The following CDA variants were observed in gnomAD, a reference collection of about 807,000 sequenced individuals.
CDA encodes cytidine aminohydrolase.
Under a neutral mutation model 15.0 loss-of-function variants are expected in CDA, and 7 were observed. The observed-to-expected ratio is 0.47, with a 90% confidence interval of 0.26 to 0.87. The LOEUF is 0.87. CDA is among the 40% of genes least tolerant of loss of function. CDA has a pLI of 0.15. For missense variants in CDA, 159 were observed against 182.7 expected, an observed-to-expected ratio of 0.87 and a Z score of 0.75; for synonymous variants, 58 against 73.0, an observed-to-expected ratio of 0.79 and a Z score of 1.05.
chr1:20,607,430 T>C (rs1022298106), intron 2 of CDA, among the ~76,000 whole-genome samples: 11 of 152,080 alleles, frequency 7.2e-5, no homozygotes, highest in African/African-American at 2.4e-4. Flanking sequence ...TTTGTGCAGA[T>C]AGGCCAAGAT....
chr1:20,596,557 A>C (rs1179587024), intron 1 of CDA, among the ~76,000 whole-genome samples: 6 of 152,114 alleles, frequency 3.9e-5, no homozygotes, highest in Non-Finnish European at 4.4e-5. Flanking sequence ...GTCTCTAAAA[A>C]ATATAAAAAT....
intron 1 of CDA, among the ~76,000 whole-genome samples, chr1:20,595,476 C>G (rs530341442): frequency 1.3e-5 from 2 of 152,226 alleles, no homozygotes; most frequent in African/African-American, 4.8e-5. Flanking sequence ...AGGCCCCATC[C>G]CCCCAACACC....
chr1:20,610,756 A>G (rs1462075588), intron 2 of CDA, among the ~76,000 whole-genome samples: 1 of 152,236 alleles, frequency 6.6e-6, no homozygotes, highest in Non-Finnish European at 1.5e-5. Context: ...CAGTAACAAT[A>G]TGTATATAAC....
chr1:20,614,186 A>G (rs551064927), intron 3 of CDA, among the ~76,000 whole-genome samples: 3 of 152,350 alleles, frequency 2.0e-5, no homozygotes, highest in Non-Finnish European at 4.4e-5. Flanking sequence ...GCCCTCACAG[A>G]GCTCATAGGC....
chr1:20,600,862 C>T (rs1224954637), intron 1 of CDA, among the ~76,000 whole-genome samples: 1 of 152,008 alleles, frequency 6.6e-6, no homozygotes, highest in Non-Finnish European at 1.5e-5. Flanking sequence ...TTCATTTATA[C>T]ATTCAACTTT....
intron 1 of CDA, among the ~76,000 whole-genome samples, chr1:20,602,057 G>T (rs1451525594): frequency 6.7e-6 from 1 of 148,878 alleles, no homozygotes; most frequent in Non-Finnish European, 1.5e-5. Flanking sequence ...AGACTTTGAG[G>T]TTACAGTGAG....
At chr1:20,594,909 G>A (rs1223270026) in intron 1 of CDA, among the ~76,000 whole-genome samples, 2 of 152,170 alleles carry the variant, frequency 1.3e-5, no homozygotes, top group African/African-American at 2.4e-5. Flanking sequence ...TTCGTGCAGC[G>A]CCGGGTGGGT....
intron 1 of CDA, among the ~76,000 whole-genome samples, chr1:20,589,586 G>C (rs2052529946): frequency 6.6e-6 from 1 of 152,188 alleles, no homozygotes; most frequent in African/African-American, 2.4e-5. Context: ...GGCAGGGAGA[G>C]CGTTCGTGCT....
chr1:20,614,588 C>A (rs1463993845), intron 3 of CDA, among the ~76,000 whole-genome samples: 1 of 152,148 alleles, frequency 6.6e-6, no homozygotes, highest in African/African-American at 2.4e-5. Flanking sequence ...GGAAGGCCCT[C>A]TTTTTGAGCA....
chr1:20,617,696 TA>T (rs1045570103), intron 3 of CDA, among the ~76,000 whole-genome samples: 3 of 113,632 alleles, frequency 2.6e-5, no homozygotes, highest in African/African-American at 9.6e-5. Context: ...TATTTTATTT[TA>T]TTTTTTTTTT....
intron 1 of CDA, among the ~76,000 whole-genome samples, chr1:20,591,369 C>A (rs574376600): frequency 6.6e-6 from 1 of 152,014 alleles, no homozygotes; most frequent in African/African-American, 2.4e-5. Context: ...AAAAACAAAC[C>A]CACAATAAAG....
chr1:20,615,063 T>C (rs571403972), intron 3 of CDA, among the ~76,000 whole-genome samples: 18 of 152,234 alleles, frequency 1.2e-4, no homozygotes, highest in Non-Finnish European at 1.0e-4. Flanking sequence ...GGTTTCACCA[T>C]GTTGGCCAGG....
At chr1:20,597,039 G>A (rs989075008) in intron 1 of CDA, among the ~76,000 whole-genome samples, 9 of 152,094 alleles carry the variant, frequency 5.9e-5, no homozygotes, top group Non-Finnish European at 1.2e-4. Context: ...TGGGATTACA[G>A]GCGTGAGCCA....
intron 3 of CDA, among the ~76,000 whole-genome samples, chr1:20,616,972 A>T (rs1010119367): frequency 6.6e-6 from 1 of 152,220 alleles, no homozygotes; most frequent in African/African-American, 2.4e-5. Context: ...TAAGAATGGC[A>T]TCTATTAATT....
At chr1:20,617,488 G>A (rs916216791) in intron 3 of CDA, among the ~76,000 whole-genome samples, 1 of 152,016 alleles carries the variant, frequency 6.6e-6, no homozygotes, top group South Asian at 2.1e-4. Context: ...TCATGGGGGC[G>A]GGTCTTTCCC....
chr1:20,611,063 G>C (rs1004633932), intron 2 of CDA, among the ~76,000 whole-genome samples: 3 of 152,142 alleles, frequency 2.0e-5, no homozygotes, highest in Non-Finnish European at 4.4e-5. Context: ...AATATAGTAA[G>C]ATCCTATTTC....
chr1:20,596,261 G>A (rs564467024), intron 1 of CDA, among the ~76,000 whole-genome samples: 6 of 152,324 alleles, frequency 3.9e-5, no homozygotes, highest in Admixed American at 3.9e-4. Context: ...GTGGGAGGAG[G>A]TTAGGAACAT....
chr1:20,589,444 C>T (rs1382871927), intron 1 of CDA, among the ~76,000 whole-genome samples, 161 bp downstream of exon 1: 1 of 152,188 alleles, frequency 6.6e-6, no homozygotes, highest in Non-Finnish European at 1.5e-5. Flanking sequence ...TGCCGACTGC[C>T]CCAGACCGCG....
intron 2 of CDA, among the ~76,000 whole-genome samples, chr1:20,609,443 G>A (rs1002448331): frequency 6.6e-6 from 1 of 151,988 alleles, no homozygotes; most frequent in Non-Finnish European, 1.5e-5. Context: ...CCGAGATCGC[G>A]CCACTGCACT....
Sources: allele counts gnomAD v4.1 joint callset (sites outside exome capture counted in the v4.1 genomes callset), GRCh38; gene constraint gnomAD v4.1.1; transcripts MANE v1.5; gene names NCBI Gene and HGNC (gene_info 2026-07-23, HGNC 2026-07-21).